Variants in COP1 observed in about 807,000 individuals in gnomAD.
COP1 encodes E3 ubiquitin-protein ligase COP1.
Under a neutral mutation model 101.3 loss-of-function variants are expected in COP1, and 24 were observed. The ratio of observed to expected loss-of-function variants is 0.24; its 90% CI spans 0.17 to 0.33. The LOEUF is 0.33. Ranked by LOEUF, COP1 falls within the 10% of genes least tolerant of loss-of-function variation. COP1 has a pLI of 1.00. For synonymous variants in COP1, 347 were observed against 341.9 expected, an observed-to-expected ratio of 1.01 and a Z score of -0.17; for missense variants, 663 against 906.2, an observed-to-expected ratio of 0.73 and a Z score of 3.45.
At chr1:176,018,577 G>A (rs1457729977) in intron 15 of COP1, 1 of 151,724 alleles carries the variant, frequency 6.6e-6, no homozygotes, top group Non-Finnish European at 1.5e-5. Flanking sequence ...CAATCCTTGA[G>A]GAACATAAAA....
chr1:176,020,066 C>T (rs1254278291), intron 15 of COP1, among the ~76,000 whole-genome samples: 1 of 152,162 alleles, frequency 6.6e-6, no homozygotes, highest in Non-Finnish European at 1.5e-5. Flanking sequence ...TGGCTCACGT[C>T]TATAATCCCA....
At chr1:176,115,311 G>A (rs1392912126) in intron 9 of COP1, among the ~76,000 whole-genome samples, 4 of 152,014 alleles carry the variant, frequency 2.6e-5, no homozygotes, top group African/African-American at 7.3e-5. Flanking sequence ...TTACCCAGAC[G>A]CGGTGGCACA....
At chr1:176,120,330 G>C (rs556003964) in intron 8 of COP1, among the ~76,000 whole-genome samples, 1 of 151,920 alleles carries the variant, frequency 6.6e-6, no homozygotes, top group Admixed American at 6.6e-5. Context: ...TGAGGCAGGA[G>C]AATCTCTTGA....
At chr1:176,139,308 A>G (rs1331982342) in intron 6 of COP1, among the ~76,000 whole-genome samples, 1 of 151,772 alleles carries the variant, frequency 6.6e-6, no homozygotes. Context: ...AAACAAAAAA[A>G]GAGATGCTGG....
At chr1:175,951,751 A>C (rs1371785643) in intron 18 of COP1, among the ~76,000 whole-genome samples, 4 of 152,102 alleles carry the variant, frequency 2.6e-5, no homozygotes, top group Non-Finnish European at 1.5e-5. Flanking sequence ...CAAAATTACA[A>C]CTGAAGCAGA....
chr1:175,968,443 A>C (rs777442254), intron 18 of COP1: 2 of 519,044 alleles, frequency 3.9e-6, no homozygotes, highest in Non-Finnish European at 7.7e-6. Context: ...GTCCTAAGCC[A>C]GACAGAGACC....
chr1:176,090,957 CTG>C (rs541458900), intron 9 of COP1, among the ~76,000 whole-genome samples: 14 of 152,234 alleles, frequency 9.2e-5, no homozygotes, highest in African/African-American at 3.4e-4. Flanking sequence ...TAAGGTGAAA[CTG>C]TGTTTTTGTC....
chr1:176,126,414 T>G (rs1005159536), intron 8 of COP1, among the ~76,000 whole-genome samples: 1 of 152,196 alleles, frequency 6.6e-6, no homozygotes, highest in Non-Finnish European at 1.5e-5. Context: ...CATTGAAGGT[T>G]TTTATCATGA....
intron 11 of COP1, among the ~76,000 whole-genome samples, chr1:176,067,308 T>C (rs963184470): frequency 1.6e-4 from 25 of 152,110 alleles, no homozygotes; most frequent in Admixed American, 7.2e-4. Flanking sequence ...CGGACTAAGG[T>C]GAGGACAAGC....
rs146010710 is a variant in COP1, at chr1:176,038,032, T to C, written c.1612+5154A>G. ...TTTGCAGATGACGTAATTGGCTATG[T>C]AGAAAATCCCAAGGAATCTGAAAAA... On this transcript the variant is annotated intron_variant, in intron 14 of 19. Coordinates refer to ENST00000367669, the MANE Select transcript of COP1 (RefSeq NM_022457.7). Among the ~76,000 whole-genome samples the C allele has an allele frequency of 2.6e-3, 398 of 152,320 alleles. 3 individuals carry two copies. Among genetic ancestry groups the C allele is most frequent in the African/African-American group, 9.1e-3 (380 of 41,580 alleles).
chr1:176,002,442 T>G (rs2148872620), intron 15 of COP1, among the ~76,000 whole-genome samples: 1 of 152,116 alleles, frequency 6.6e-6, no homozygotes, highest in African/African-American at 2.4e-5. Context: ...GCCATGCTGG[T>G]GTACTGCACC....
intron 15 of COP1, among the ~76,000 whole-genome samples, chr1:176,009,881 G>C (rs1024703227): frequency 1.7e-4 from 24 of 142,802 alleles, no homozygotes; most frequent in Admixed American, 4.9e-4. Flanking sequence ...GTTACTTGGG[G>C]GGGGGGGGTC....
At chr1:176,079,866 G>A (rs1678776986) in intron 11 of COP1, among the ~76,000 whole-genome samples, 1 of 151,800 alleles carries the variant, frequency 6.6e-6, no homozygotes, top group Non-Finnish European at 1.5e-5. Flanking sequence ...TTCAAATAAT[G>A]ACAAAAATAA....
intron 15 of COP1, among the ~76,000 whole-genome samples, chr1:176,025,314 T>C (rs1365874240): frequency 2.6e-5 from 4 of 151,966 alleles, no homozygotes; most frequent in Non-Finnish European, 4.4e-5. Context: ...AAAGAAGAAA[T>C]GCAATTACTG....
At chr1:176,065,136 C>T (rs1168588577) in intron 11 of COP1, among the ~76,000 whole-genome samples, 2 of 152,066 alleles carry the variant, frequency 1.3e-5, no homozygotes, top group African/African-American at 2.4e-5. Context: ...TATTCCAGTG[C>T]CTTTTTATTT....
At chr1:176,150,483 C>T (rs967331158) in intron 5 of COP1, among the ~76,000 whole-genome samples, 3 of 152,204 alleles carry the variant, frequency 2.0e-5, no homozygotes, top group African/African-American at 7.2e-5. Flanking sequence ...AGAACAAACT[C>T]ACATGGGCTC....
chr1:176,104,736 G>A (rs933189390), intron 9 of COP1, among the ~76,000 whole-genome samples: 1 of 152,056 alleles, frequency 6.6e-6, no homozygotes, highest in African/African-American at 2.4e-5. Context: ...TTGGAGGGTG[G>A]TTTATTTGGT....
chr1:176,056,376 TTTAA>T (rs1364435637), intron 11 of COP1, among the ~76,000 whole-genome samples: 1 of 152,226 alleles, frequency 6.6e-6, no homozygotes, highest in Non-Finnish European at 1.5e-5. Context: ...TAAGATCTGA[TTTAA>T]TTTAAAGTCT....
At chr1:176,151,161 A>G (rs184957686) in intron 5 of COP1, among the ~76,000 whole-genome samples, 1 of 152,066 alleles carries the variant, frequency 6.6e-6, no homozygotes, top group East Asian at 1.9e-4. Flanking sequence ...CTTCCAAAAA[A>G]CATGTAATGA....
Sources: gnomAD v4.1 joint callset for allele counts (sites outside exome capture counted in the v4.1 genomes callset) on GRCh38, gnomAD v4.1.1 for gene constraint, MANE v1.5 for transcripts, NCBI Gene and HGNC (gene_info 2026-07-23, HGNC 2026-07-21) for gene names.